The following TBC1D30 variants were observed in gnomAD, a reference collection of about 807,000 sequenced individuals.
TBC1D30 encodes TBC1 domain family member 30, also known as TBC1 domain family, member 30.
A neutral mutation model predicts 63.2 loss-of-function variants in TBC1D30; 31 were observed. That is an observed-to-expected ratio of 0.49 (90% CI 0.37 to 0.66). The LOEUF (loss-of-function observed/expected upper bound fraction) is 0.66. Among genes scored for constraint, TBC1D30 ranks in the 30% least tolerant of loss-of-function variants. The probability of loss-of-function intolerance (pLI) is 0.00; values close to 1 mark genes in which losing one functional copy is unlikely to be tolerated. For synonymous variants in TBC1D30, 307 were observed against 361.5 expected (o/e 0.85, Z 1.71); for missense variants, 810 against 953.6 (o/e 0.85, Z 1.98).
intron 2 of TBC1D30, chr12:64,787,329 T>C: frequency 1.0e-6 from 1 of 979,434 alleles, no homozygotes; most frequent in East Asian, 1.1e-4. Context: ...CATTTAACTA[T>C]TTTTGTTTTG....
chr12:64,853,234 C>T (rs542287653), intron 8 of TBC1D30, among the ~76,000 whole-genome samples: 14 of 152,262 alleles, frequency 9.2e-5, no homozygotes, highest in South Asian at 2.1e-4. Flanking sequence ...GCGGCTTTGC[C>T]GAGCTGTGGT....
chr12:64,775,451 A>G (rs543451528), intron 1 of TBC1D30, among the ~76,000 whole-genome samples: 8 of 152,248 alleles, frequency 5.3e-5, no homozygotes, highest in African/African-American at 1.9e-4. Flanking sequence ...CAAAGCAAAT[A>G]GAAAACAGAA....
intron 8 of TBC1D30, among the ~76,000 whole-genome samples, chr12:64,862,473 G>C (rs1877870605): frequency 6.6e-6 from 1 of 152,200 alleles, no homozygotes; most frequent in Non-Finnish European, 1.5e-5. Flanking sequence ...GTCTTTAGCT[G>C]AGTGGCCCCT....
chr12:64,761,003 A>G (rs941485188), intron 1 of TBC1D30, among the ~76,000 whole-genome samples: 3 of 151,064 alleles, frequency 2.0e-5, no homozygotes, highest in African/African-American at 7.4e-5. Flanking sequence ...AAGTAAGCCT[A>G]CAGAAGGCAA....
chr12:64,840,004 C>CAAAAAAAAAAAAAAAAAAAAAAAAA (rs60440376), intron 7 of TBC1D30, among the ~76,000 whole-genome samples: 17 of 98,314 alleles, frequency 1.7e-4, no homozygotes, highest in African/African-American at 5.7e-4. Flanking sequence ...GACTCTGTCT[C>CAAAAAAAAAAAAAAAAAAAAAAAAA]AAAAAAAAAA....
intron 10 of TBC1D30, chr12:64,868,041 AT>A (rs1194301384): frequency 6.4e-6 from 1 of 155,100 alleles, no homozygotes; most frequent in African/African-American, 2.4e-5. Context: ...CTTTTTCTTC[AT>A]TCCACCTTGT....
chr12:64,875,401 C>G lies in TBC1D30; in HGVS notation c.1899C>G (p.Ile633Met). The G allele has an allele frequency of 6.5e-7, 1 of 1,536,170 alleles. No homozygotes were observed. The highest frequency in any genetic ancestry group is 2.4e-5 in the East Asian group (1 of 40,914). The change falls in exon 12 of 12, where the codon ATC (isoleucine) becomes ATG (methionine). Residue 633 changes from isoleucine to methionine, a missense_variant. Physicochemically the swap from Ile to Met is conservative, Grantham distance 10. Coordinates refer to ENST00000539867, the MANE Select transcript of TBC1D30 (RefSeq NM_015279.2). ...SSPEGSTRRT[I>M]EGQSPEPVFG... ...CTGAAGGCAGTACCAGGAGGACGAT[C>G]GAGGGGCAGTCTCCGGAGCCGGTGT...
intron 2 of TBC1D30, among the ~76,000 whole-genome samples, chr12:64,798,882 G>C (rs1872438014): frequency 7.0e-6 from 1 of 143,428 alleles, no homozygotes; most frequent in South Asian, 2.2e-4. Flanking sequence ...GCACGATCTT[G>C]GCTCACTGCA....
intron 7 of TBC1D30, among the ~76,000 whole-genome samples, chr12:64,839,581 GACA>G (rs1239383355): frequency 6.6e-6 from 1 of 152,194 alleles, no homozygotes; most frequent in Non-Finnish European, 1.5e-5. Flanking sequence ...GGTTCCCACA[GACA>G]ACATGTCACA....
At position 64,780,989 on chromosome 12, in the gene TBC1D30, G is replaced by A. The variant is rs536083078; in HGVS notation, c.181G>A (p.Gly61Ser). 597 of 1,053,432 alleles carry A rather than the reference G, an allele frequency of 5.7e-4. 2 individuals are homozygous for A. In the African/African-American group the frequency reaches 8.1e-3, roughly 14 times the overall value. 65.3% of individuals were successfully genotyped at this position (1,053,432 alleles called of 1,614,324 possible). A position where few individuals can be genotyped will look rare whatever the true frequency, so the allele number is the denominator to read the frequency against. ...GCGGCGCTCCCGGGACACGTGGGACGGCGATGAGGACACGGAGCCCGGCGA... is the reference window on the plus strand; with the variant it reads ...GCGGCGCTCCCGGGACACGTGGGACAGCGATGAGGACACGGAGCCCGGCGA... The change falls in exon 1 of 13, where the codon GGC becomes AGC. Residue 61 changes from glycine to serine, a missense_variant. By Grantham distance (56) the Gly-to-Ser change is moderately conservative. Coordinates refer to the TBC1D30 transcript ENST00000542120.
intron 1 of TBC1D30, among the ~76,000 whole-genome samples, chr12:64,770,053 G>T (rs868114306): frequency 6.6e-6 from 1 of 152,104 alleles, no homozygotes; most frequent in Non-Finnish European, 1.5e-5. Context: ...TTCTATCACC[G>T]TATCTCTAAT....
At chr12:64,870,244 T>C (rs1298622528) in intron 10 of TBC1D30, among the ~76,000 whole-genome samples, 1 of 152,220 alleles carries the variant, frequency 6.6e-6, no homozygotes. Context: ...TGGAAATCTG[T>C]ACAGTGATTT....
intron 5 of TBC1D30, 110 bp from the exon 6 acceptor site, chr12:64,836,380 G>A (rs775924474): frequency 8.9e-5 from 72 of 811,618 alleles, no homozygotes; most frequent in Non-Finnish European, 1.2e-4. Flanking sequence ...TAAGGATAGC[G>A]TGCTTTGGCT....
rs563306405 is a variant in TBC1D30, at chr12:64,871,890, C to T, written c.1498+1082C>T. On this transcript the variant is annotated intron_variant, in intron 11 of 11. Coordinates refer to ENST00000539867, the MANE Select transcript of TBC1D30 (RefSeq NM_015279.2). Reference sequence around the variant, plus strand: ...ACAGTCCCTTTTTAACTACACTGTACAAGTCTTTGGGTGTGACGGTAAACA... The same window carrying T: ...ACAGTCCCTTTTTAACTACACTGTATAAGTCTTTGGGTGTGACGGTAAACA... Among the ~76,000 whole-genome samples the T allele has an allele frequency of 4.6e-5, 7 of 152,170 alleles. 1 individual carries two copies. In the South Asian group the frequency reaches 1.5e-3, roughly 32 times the overall value.
chr12:64,852,492 C>T (rs1206818731), intron 8 of TBC1D30, among the ~76,000 whole-genome samples: 5 of 152,196 alleles, frequency 3.3e-5, no homozygotes, highest in Admixed American at 6.5e-5. Context: ...TCTGTCAATT[C>T]GTCAAACTCA....
chr12:64,837,344 A>T (rs1193689112), intron 6 of TBC1D30, among the ~76,000 whole-genome samples: 1 of 152,050 alleles, frequency 6.6e-6, no homozygotes. Context: ...ATTGTAATAC[A>T]TAATGAAGTA....
intron 2 of TBC1D30, among the ~76,000 whole-genome samples, chr12:64,801,212 T>C (rs1379531092): frequency 1.3e-5 from 2 of 152,248 alleles, no homozygotes; most frequent in South Asian, 4.1e-4. Context: ...ATCTTCTTTT[T>C]CTCAGCATCT....
intron 8 of TBC1D30, among the ~76,000 whole-genome samples, chr12:64,844,146 T>TA (rs1876150517): frequency 6.6e-6 from 1 of 152,130 alleles, no homozygotes; most frequent in Non-Finnish European, 1.5e-5. Context: ...TTATTGAGGA[T>TA]AAAAAAGATT....
chr12:64,780,431 T>C (rs1444186994), upstream of TBC1D30, among the ~76,000 whole-genome samples: 2 of 152,352 alleles, frequency 1.3e-5, no homozygotes, highest in East Asian at 3.9e-4. Context: ...AATCACGTGC[T>C]TAATTAAAAG....
Sources: allele counts gnomAD v4.1 joint callset (sites outside exome capture counted in the v4.1 genomes callset), GRCh38; gene constraint gnomAD v4.1.1; transcripts MANE v1.5; gene names NCBI Gene and HGNC (gene_info 2026-07-23, HGNC 2026-07-21).